TM4SF4: variants seen among roughly 807,000 people sequenced by gnomAD.
TM4SF4 encodes transmembrane 4 L6 family member 4.
TM4SF4 carries 24 observed loss-of-function variants against 24.1 expected under a neutral mutation model. The observed-to-expected ratio is 1.00, with a 90% CI of 0.72 to 1.40. TM4SF4 has a LOEUF of 1.40. Ranked by LOEUF, TM4SF4 falls within the 40% of genes most tolerant of loss-of-function variation. The pLI is 0.00. For synonymous variants in TM4SF4, 113 were observed against 97.0 expected (o/e 1.17, Z -0.97); for missense variants, 254 against 254.2 (o/e 1.00, Z 0.01).
intron 3 of TM4SF4, chr3:149,495,543 GT>G: frequency 2.6e-6 from 1 of 391,928 alleles, no homozygotes. Flanking sequence ...TGGGGAAAAT[GT>G]GGGCTTCAGT....
chr3:149,487,785 TCAC>T, intron 3 of TM4SF4, 30 bp downstream of exon 3: 2 of 1,611,522 alleles, frequency 1.2e-6, no homozygotes, highest in Non-Finnish European at 8.5e-7. Context: ...TGCCCACCTG[TCAC>T]CACAAGGGGC....
chr3:149,496,704 G>A (rs1354115870), intron 3 of TM4SF4, among the ~76,000 whole-genome samples: 9 of 151,734 alleles, frequency 5.9e-5, no homozygotes, highest in African/African-American at 2.2e-4. Context: ...GGAGGCACAG[G>A]TTGCAGTGAG....
intron 2 of TM4SF4, among the ~76,000 whole-genome samples, chr3:149,487,210 A>C (rs1292834960): frequency 1.3e-5 from 2 of 152,176 alleles, no homozygotes; most frequent in African/African-American, 2.4e-5. Flanking sequence ...AGCTGAGATC[A>C]CACCATTGCA....
intron 2 of TM4SF4, among the ~76,000 whole-genome samples, chr3:149,477,729 A>G (rs1242858978): frequency 1.3e-5 from 2 of 152,228 alleles, no homozygotes; most frequent in Non-Finnish European, 2.9e-5. Context: ...ATTTAATATA[A>G]TCATGTAATA....
chr3:149,495,608 CA>C, intron 3 of TM4SF4: 2 of 339,506 alleles, frequency 5.9e-6, no homozygotes, highest in Non-Finnish European at 1.2e-5. Context: ...CTGGTAACAG[CA>C]AAAATGACCC....
At chr3:149,481,612 C>T (rs756352392) in intron 2 of TM4SF4, among the ~76,000 whole-genome samples, 2 of 152,068 alleles carry the variant, frequency 1.3e-5, no homozygotes, top group Admixed American at 6.5e-5. Context: ...ATGTCCATGC[C>T]CTAAGGACAT....
rs1266250033 is a variant in TM4SF4 at position 149,483,525 on chromosome 3, A to G, written c.265-4094A>G. On this transcript the variant is annotated intron_variant, in intron 2 of 4. Transcript: ENST00000305354. The stretch of plus-strand genomic sequence containing the variant: ...GTGTTTTCTTACAAGGAGTCACAGG[A>G]AAAAAAAAAAAACCAAAAACTTATA... Among the ~76,000 whole-genome samples, 3 of 106,852 alleles carry G rather than the reference A, an allele frequency of 2.8e-5. No individual in the cohort carries two copies. The East Asian group carries it at 9.8e-4, about 35-fold the overall frequency. 70.1% of individuals were successfully genotyped at this position (106,852 alleles called of 152,430 possible). A position where few individuals can be genotyped will look rare whatever the true frequency, so the allele number is the denominator to read the frequency against.
intron 1 of TM4SF4, 29 bp from the exon 2 acceptor site, chr3:149,475,794 T>C: frequency 6.3e-7 from 1 of 1,580,652 alleles, no homozygotes; most frequent in Non-Finnish European, 8.6e-7. Context: ...ACTCCTGGAC[T>C]CTCTCTGAGG....
chr3:149,487,781 C>T, intron 3 of TM4SF4, 26 bp downstream of exon 3: 1 of 1,611,868 alleles, frequency 6.2e-7, no homozygotes, highest in Admixed American at 1.7e-5. Flanking sequence ...GCAATGCCCA[C>T]CTGTCACCAC....
At chr3:149,480,493 G>A (rs765637167) in intron 2 of TM4SF4, among the ~76,000 whole-genome samples, 3 of 152,166 alleles carry the variant, frequency 2.0e-5, no homozygotes, top group Non-Finnish European at 4.4e-5. Flanking sequence ...GGCAGGGCCA[G>A]ATGATCAACC....
At chr3:149,485,365 A>G (rs573294652) in intron 2 of TM4SF4, among the ~76,000 whole-genome samples, 3 of 152,200 alleles carry the variant, frequency 2.0e-5, no homozygotes, top group African/African-American at 4.8e-5. Flanking sequence ...CTTACTTCTG[A>G]CCTAGGTTAA....
chr3:149,496,032 C>T, intron 3 of TM4SF4: 1 of 232,410 alleles, frequency 4.3e-6, no homozygotes, highest in Non-Finnish European at 8.8e-6. Context: ...ACACCTGCCA[C>T]TACAGTCTTA....
chr3:149,486,923 G>C (rs1293440036), intron 2 of TM4SF4, among the ~76,000 whole-genome samples: 1 of 152,146 alleles, frequency 6.6e-6, no homozygotes, highest in Non-Finnish European at 1.5e-5. Context: ...ACATCACAGT[G>C]ACTGGCCTTA....
intron 3 of TM4SF4, among the ~76,000 whole-genome samples, chr3:149,490,709 G>C (rs1378737485): frequency 1.3e-5 from 2 of 152,174 alleles, no homozygotes; most frequent in African/African-American, 4.8e-5. Flanking sequence ...GTTAAAAAGG[G>C]TGTGTGGACT....
chr3:149,498,955 C>G, intron 4 of TM4SF4, 44 bp downstream of exon 4: 1 of 1,601,702 alleles, frequency 6.2e-7, no homozygotes, highest in Non-Finnish European at 8.5e-7. Flanking sequence ...TGAGGGAGGC[C>G]AGGTCAGGCC....
At chr3:149,489,157 T>C (rs1734168400) in intron 3 of TM4SF4, among the ~76,000 whole-genome samples, 1 of 152,192 alleles carries the variant, frequency 6.6e-6, no homozygotes, top group Admixed American at 6.5e-5. Context: ...CAGAGAGGAC[T>C]GTTGGGGCTA....
chr3:149,500,087 A>G (rs1734392062), intron 4 of TM4SF4, among the ~76,000 whole-genome samples: 1 of 152,130 alleles, frequency 6.6e-6, no homozygotes, highest in East Asian at 1.9e-4. Flanking sequence ...TTGTCACAGT[A>G]TCTCTTTTTA....
chr3:149,495,758 G>A (rs993905986), intron 3 of TM4SF4: 15 of 232,636 alleles, frequency 6.4e-5, no homozygotes, highest in Non-Finnish European at 1.1e-4. Flanking sequence ...GGAAAAGATC[G>A]ATCATCGTTC....
intron 2 of TM4SF4, among the ~76,000 whole-genome samples, chr3:149,483,007 T>C (rs996395235): frequency 6.6e-6 from 1 of 152,246 alleles, no homozygotes; most frequent in African/African-American, 2.4e-5. Flanking sequence ...GCAGCATGTA[T>C]CTTTCTTCCT....
Sources: gnomAD v4.1 joint callset for allele counts (sites outside exome capture counted in the v4.1 genomes callset) on GRCh38, gnomAD v4.1.1 for gene constraint, MANE v1.5 for transcripts, NCBI Gene and HGNC (gene_info 2026-07-23, HGNC 2026-07-21) for gene names.